Variants in NEK7 observed in about 807,000 individuals in gnomAD.
NEK7 encodes serine/threonine-protein kinase Nek7.
NEK7 carries 18 observed loss-of-function variants against 44.6 expected under a neutral mutation model. That is an observed-to-expected ratio of 0.40 (90% CI 0.28 to 0.60). The LOEUF (loss-of-function observed/expected upper bound fraction) is 0.60, where lower values mean the gene tolerates loss of function less well. NEK7 is among the 20% of genes least tolerant of loss of function. The probability of loss-of-function intolerance (pLI) is 0.38; values close to 1 mark genes in which losing one functional copy is unlikely to be tolerated. For missense variants in NEK7, 256 were observed against 366.5 expected, an observed-to-expected ratio of 0.70 and a Z score of 2.46; for synonymous variants, 130 against 121.1, an observed-to-expected ratio of 1.07 and a Z score of -0.48.
In NEK7 at chr1:198,227,751, G is replaced by A. The variant is rs181320207; in HGVS notation, c.-28-4802G>A. ...TCTTGTAAATTTGTTTGAGTTTATT[G>A]TAGATTCTGGATATTAGCCCTTTGT... is the stretch of plus-strand genomic sequence containing the variant. On this transcript the variant is annotated intron_variant, in intron 1 of 9. Transcript: ENST00000367385. Among the ~76,000 whole-genome samples, 1,442 of 152,204 alleles carry A rather than the reference G, an allele frequency of 9.5e-3. 27 individuals are homozygous for A. The highest frequency in any genetic ancestry group is 0.033 in the African/African-American group (1,367 of 41,526).
intron 9 of NEK7, among the ~76,000 whole-genome samples, chr1:198,314,007 G>A (rs1001972801): frequency 1.8e-4 from 27 of 151,350 alleles, no homozygotes; most frequent in Admixed American, 4.0e-4. Flanking sequence ...AAGTTCTCCC[G>A]GATAATATCC....
chr1:198,261,522 T>G lies in NEK7; in HGVS notation c.199-1053T>G, dbSNP rs570341841. On this transcript the variant is annotated intron_variant, in intron 3 of 9. Transcript: ENST00000367385. ...AAAAGACTTGGATTCTGCCACTCCT[T>G]TGACATTGTACCTTCTTTTCCTGGA... Among the ~76,000 whole-genome samples, 68 of 152,044 alleles carry G rather than the reference T, an allele frequency of 4.5e-4. 1 individual carries two copies. The Middle Eastern group carries it at 0.01, about 23-fold the overall frequency.
At chr1:198,317,885 T>TTTTG (rs1571627931) in intron 9 of NEK7, among the ~76,000 whole-genome samples, 2 of 144,436 alleles carry the variant, frequency 1.4e-5, no homozygotes, top group African/African-American at 2.5e-5. Flanking sequence ...TTATTTTTTT[T>TTTTG]TTTTTTTTTT....
Position 198,167,573 on chromosome 1 carries a change from C to T in NEK7, c.-29+10297C>T, listed in dbSNP as rs6693997. On this transcript the variant is annotated intron_variant, in intron 1 of 9. Transcript: ENST00000367385. ...GTCCCTTGTTACTGGACTGCTTAGGCTGTGTACTGTTCTCACCATTTTTGG... is the reference window on the plus strand; with the variant it reads ...GTCCCTTGTTACTGGACTGCTTAGGTTGTGTACTGTTCTCACCATTTTTGG... Among the ~76,000 whole-genome samples, 646 of 152,284 alleles carry T rather than the reference C, an allele frequency of 4.2e-3. 3 individuals carry two copies. The highest frequency in any genetic ancestry group is 0.014 in the African/African-American group (598 of 41,566).
intron 9 of NEK7, among the ~76,000 whole-genome samples, chr1:198,310,599 C>T (rs965801073): frequency 6.6e-6 from 1 of 150,864 alleles, no homozygotes; most frequent in Admixed American, 6.6e-5. Flanking sequence ...GTCTTTAATC[C>T]ATCTTGAATT....
chr1:198,293,557 T>C (rs1011423448), intron 8 of NEK7, among the ~76,000 whole-genome samples: 3 of 151,828 alleles, frequency 2.0e-5, no homozygotes, highest in Non-Finnish European at 4.4e-5. Flanking sequence ...TACTCTCTCT[T>C]TTGTTCTACT....
At chr1:198,246,870 T>G (rs1043751190) in intron 2 of NEK7, among the ~76,000 whole-genome samples, 1 of 152,222 alleles carries the variant, frequency 6.6e-6, no homozygotes, top group South Asian at 2.1e-4. Flanking sequence ...GAAAGAATGG[T>G]CTCCGTGTAT....
rs537844035 is a variant in NEK7 at position 198,195,740 on chromosome 1, G to A, written c.-28-36813G>A. On this transcript the variant is annotated intron_variant, in intron 1 of 9. Transcript: ENST00000367385. The stretch of plus-strand genomic sequence containing the variant: ...CTTGGGAGGCTGAGGCAGGAGAATA[G>A]CTTGAACCCGGGAGGCGGAAGTTGC... 2.2e-4 allele frequency among the ~76,000 whole-genome samples: 33 copies of A among 152,296 alleles called. 1 individual carries two copies. The highest frequency in any genetic ancestry group is 7.7e-4 in the African/African-American group (32 of 41,550).
At chr1:198,310,470 G>T (rs1655145597) in intron 9 of NEK7, among the ~76,000 whole-genome samples, 1 of 144,154 alleles carries the variant, frequency 6.9e-6, no homozygotes, top group African/African-American at 2.6e-5. Flanking sequence ...TGTCAATTTT[G>T]GCTTTTGTTG....
At chr1:198,165,970 A>T (rs1664254648) in intron 1 of NEK7, among the ~76,000 whole-genome samples, 2 of 152,216 alleles carry the variant, frequency 1.3e-5, no homozygotes, top group Non-Finnish European at 2.9e-5. Context: ...TATGATAGAG[A>T]TGACATATTT....
chr1:198,257,537 C>T (rs148405403), intron 3 of NEK7, among the ~76,000 whole-genome samples: 3 of 152,194 alleles, frequency 2.0e-5, no homozygotes, highest in Admixed American at 1.3e-4. Flanking sequence ...TTTCAGTGTT[C>T]ATTGTGATTA....
intron 1 of NEK7, among the ~76,000 whole-genome samples, chr1:198,224,182 T>C (rs1666147447): frequency 6.6e-6 from 1 of 152,172 alleles, no homozygotes. Flanking sequence ...CATATAAAAC[T>C]TATGGTTTCT....
intron 1 of NEK7, among the ~76,000 whole-genome samples, chr1:198,205,435 AG>A (rs1665566020): frequency 6.6e-6 from 1 of 152,150 alleles, no homozygotes; most frequent in Non-Finnish European, 1.5e-5. Context: ...AATCATAATC[AG>A]GGGTGGAGGT....
At chr1:198,250,003 A>G (rs1652875571) in intron 2 of NEK7, among the ~76,000 whole-genome samples, 1 of 140,496 alleles carries the variant, frequency 7.1e-6, no homozygotes, top group African/African-American at 2.8e-5. Context: ...TAGGCTTTTT[A>G]TGGTTTTAGG....
At chr1:198,290,180 A>G (rs1224532815) in intron 7 of NEK7, among the ~76,000 whole-genome samples, 1 of 152,200 alleles carries the variant, frequency 6.6e-6, no homozygotes, top group African/African-American at 2.4e-5. Context: ...GATAAGTGGA[A>G]TTACATGTGC....
chr1:198,264,826 T>TG (rs2102952164), intron 5 of NEK7, among the ~76,000 whole-genome samples: 1 of 105,940 alleles, frequency 9.4e-6, no homozygotes, highest in East Asian at 2.4e-4. Context: ...AAAAACTGTT[T>TG]GTCCTTGGGC....
intron 1 of NEK7, among the ~76,000 whole-genome samples, chr1:198,214,162 G>A (rs1243051343): frequency 1.3e-5 from 2 of 151,910 alleles, no homozygotes; most frequent in Non-Finnish European, 2.9e-5. Flanking sequence ...ATCCTCAAGG[G>A]GGAAATAAAA....
chr1:198,300,902 A>G (rs1425873286), intron 9 of NEK7, among the ~76,000 whole-genome samples: 5 of 152,178 alleles, frequency 3.3e-5, no homozygotes, highest in African/African-American at 4.8e-5. Context: ...ATTACTTTCT[A>G]TTTTACATAG....
intron 2 of NEK7, among the ~76,000 whole-genome samples, chr1:198,250,958 C>T (rs1652935618): frequency 6.6e-6 from 1 of 152,040 alleles, no homozygotes; most frequent in African/African-American, 2.4e-5. Context: ...TGTCTTGTGC[C>T]CGTTTTCAAA....
Sources: gnomAD v4.1 joint callset for allele counts (sites outside exome capture counted in the v4.1 genomes callset) on GRCh38, gnomAD v4.1.1 for gene constraint, MANE v1.5 for transcripts, NCBI Gene and HGNC (gene_info 2026-07-23, HGNC 2026-07-21) for gene names.